OCA2: variants seen among roughly 807,000 people sequenced by gnomAD.
OCA2 encodes the protein P protein.
OCA2 carries 77 observed loss-of-function variants against 100.2 expected under a neutral mutation model. That is an observed-to-expected ratio of 0.77 (90% CI 0.64 to 0.93). OCA2 has a LOEUF of 0.93. OCA2 is among the 40% of genes least tolerant of loss of function. The pLI, the probability that OCA2 is intolerant of heterozygous loss-of-function variation, is 0.00. For missense variants in OCA2, 1,062 were observed against 1,089.1 expected, an observed-to-expected ratio of 0.98 and a Z score of 0.35; for synonymous variants, 432 against 439.2, an observed-to-expected ratio of 0.98 and a Z score of 0.21.
chr15:27,916,866 A>G (rs901264588), intron 19 of OCA2, among the ~76,000 whole-genome samples: 5 of 152,188 alleles, frequency 3.3e-5, no homozygotes, highest in Non-Finnish European at 7.3e-5. Context: ...ATGACAGAAG[A>G]AGGATTTGAC....
chr15:27,898,201 G>A (rs1567077586), intron 19 of OCA2, among the ~76,000 whole-genome samples: 1 of 152,190 alleles, frequency 6.6e-6, no homozygotes, highest in Admixed American at 6.5e-5. Flanking sequence ...GGGAACTGTT[G>A]AAGGCATGAT....
chr15:27,865,697 C>T (rs1039302871), intron 21 of OCA2, among the ~76,000 whole-genome samples: 31 of 152,176 alleles, frequency 2.0e-4, no homozygotes, highest in Non-Finnish European at 3.5e-4. Context: ...ACAGAAGAAG[C>T]TCAGATGCCT....
chr15:27,783,232 G>A (rs539847656), intron 23 of OCA2, among the ~76,000 whole-genome samples: 1 of 152,314 alleles, frequency 6.6e-6, no homozygotes, highest in South Asian at 2.1e-4. Flanking sequence ...CATTCTTAAA[G>A]CACCTGTGAA....
chr15:27,971,592 T>C (rs2040794365), intron 14 of OCA2, among the ~76,000 whole-genome samples: 1 of 152,150 alleles, frequency 6.6e-6, no homozygotes, highest in African/African-American at 2.4e-5. Flanking sequence ...CCTACCTACC[T>C]GTCCAGTGCT....
chr15:27,785,654 T>C (rs1257004133), intron 23 of OCA2, among the ~76,000 whole-genome samples: 2 of 152,202 alleles, frequency 1.3e-5, no homozygotes, highest in South Asian at 2.1e-4. Flanking sequence ...GAGTGTAATA[T>C]TGTGGGGCCA....
chr15:27,852,738 CA>C (rs2035800477), intron 21 of OCA2, among the ~76,000 whole-genome samples: 1 of 149,284 alleles, frequency 6.7e-6, no homozygotes, highest in Non-Finnish European at 1.5e-5. Flanking sequence ...AAAAAACAAA[CA>C]ACCCCATCAA....
chr15:27,972,820 G>GTTATT (rs200881214), intron 14 of OCA2, among the ~76,000 whole-genome samples: 7,365 of 73,598 alleles, frequency 0.1, 334 homozygotes, highest in Non-Finnish European at 0.19. Flanking sequence ...TACTTTGATG[G>GTTATT]TTATTTTATT....
At chr15:28,079,585 AT>A (rs1193982380) in intron 2 of OCA2, among the ~76,000 whole-genome samples, 1 of 151,818 alleles carries the variant, frequency 6.6e-6, no homozygotes. Context: ...CATTCTCCTC[AT>A]GGTGCTGAGA....
At chr15:27,892,995 A>G (rs113941429) in intron 19 of OCA2, among the ~76,000 whole-genome samples, 2,841 of 152,340 alleles carry the variant, frequency 0.019, 90 homozygotes, top group African/African-American at 0.065. Context: ...AACACAAAGT[A>G]TGAAAACACA....
intron 9 of OCA2, among the ~76,000 whole-genome samples, chr15:27,991,827 A>T (rs2041565243): frequency 2.6e-5 from 4 of 152,096 alleles, no homozygotes; most frequent in Admixed American, 2.0e-4. Flanking sequence ...CTTCCACTCC[A>T]TTTTTTCACA....
At chr15:28,005,427 T>C (rs958948165) in intron 9 of OCA2, among the ~76,000 whole-genome samples, 1 of 152,304 alleles carries the variant, frequency 6.6e-6, no homozygotes, top group Admixed American at 6.5e-5. Flanking sequence ...CCTCTGGTCC[T>C]GCAGGTAAGA....
intron 6 of OCA2, among the ~76,000 whole-genome samples, chr15:28,020,206 G>T (rs2042550513): frequency 6.6e-6 from 1 of 152,102 alleles, no homozygotes; most frequent in East Asian, 1.9e-4. Flanking sequence ...TCCTGCGTGG[G>T]GCCTGGTGCA....
intron 19 of OCA2, among the ~76,000 whole-genome samples, chr15:27,915,068 T>C (rs189370287): frequency 4.8e-4 from 73 of 151,854 alleles, no homozygotes; most frequent in Non-Finnish European, 8.8e-4. Flanking sequence ...CACCTACAAC[T>C]ATCAGATCTT....
At chr15:27,887,971 G>A (rs1445633067) in intron 19 of OCA2, among the ~76,000 whole-genome samples, 1 of 151,956 alleles carries the variant, frequency 6.6e-6, no homozygotes, top group Non-Finnish European at 1.5e-5. Flanking sequence ...TCACACCTGG[G>A]ATCTCAGGCC....
chr15:27,938,229 T>G (rs2039525241), intron 18 of OCA2, among the ~76,000 whole-genome samples: 1 of 152,264 alleles, frequency 6.6e-6, no homozygotes, highest in African/African-American at 2.4e-5. Context: ...AATGGGCACG[T>G]TGGGGAGGGA....
At chr15:27,951,742 G>A (rs1171834579) in intron 18 of OCA2, 42 bp downstream of exon 18, 1 of 1,365,852 alleles carries the variant, frequency 7.3e-7, no homozygotes, top group Admixed American at 1.7e-5. Flanking sequence ...TTCCCATCCA[G>A]AATGTGACAA....
At chr15:28,088,062 C>CAAAAAAA (rs2044808779) in intron 1 of OCA2, among the ~76,000 whole-genome samples, 1 of 147,046 alleles carries the variant, frequency 6.8e-6, no homozygotes. Flanking sequence ...ACCTGCATCT[C>CAAAAAAA]AAAGGAAAAA....
intron 19 of OCA2, among the ~76,000 whole-genome samples, chr15:27,899,878 T>C (rs2871886): frequency 0.26 from 39,253 of 152,108 alleles, 5,921 homozygotes; most frequent in East Asian, 0.57. Context: ...AGGAGTGAGA[T>C]AGGAGCACTC....
chr15:27,830,404 G>A (rs2034903904), intron 23 of OCA2, among the ~76,000 whole-genome samples: 1 of 151,994 alleles, frequency 6.6e-6, no homozygotes, highest in South Asian at 2.1e-4. Flanking sequence ...GATTCCAAAT[G>A]TTCACTTTTA....
Sources: allele counts gnomAD v4.1 joint callset (sites outside exome capture counted in the v4.1 genomes callset), GRCh38; gene constraint gnomAD v4.1.1; transcripts MANE v1.5; gene names NCBI Gene and HGNC (gene_info 2026-07-23, HGNC 2026-07-21).